CGNL1: variants seen among roughly 807,000 people sequenced by gnomAD.
CGNL1 encodes the protein cingulin like 1.
In CGNL1, 132 loss-of-function variants were observed where a neutral mutation model predicts 141.2. That is an observed-to-expected ratio of 0.93 (90% CI 0.81 to 1.08). CGNL1 has a LOEUF of 1.08. CGNL1 is among the 50% of genes least tolerant of loss of function. The pLI is 0.00. For missense variants in CGNL1, 1,870 were observed against 1,588.6 expected (o/e 1.18, Z -3.01); for synonymous variants, 690 against 622.1 (o/e 1.11, Z -1.63).
At chr15:57,404,373 G>A (rs1313426005) in intron 1 of CGNL1, among the ~76,000 whole-genome samples, 1 of 152,196 alleles carries the variant, frequency 6.6e-6, no homozygotes, top group Non-Finnish European at 1.5e-5. Context: ...TTTATAGCTT[G>A]TAAGATATTT....
chr15:57,501,292 G>C (rs1318374538), intron 8 of CGNL1, among the ~76,000 whole-genome samples: 1 of 152,204 alleles, frequency 6.6e-6, no homozygotes, highest in Non-Finnish European at 1.5e-5. Context: ...CAGTACCTCA[G>C]TTTCCTCACT....
At chr15:57,453,567 G>A in intron 6 of CGNL1, 116 bp from the exon 7 acceptor site, 10 of 1,335,152 alleles carry the variant, frequency 7.5e-6, no homozygotes, top group Non-Finnish European at 1.0e-5. Flanking sequence ...ACAGAGAATG[G>A]GGAGGCTCCT....
chr15:57,531,058 G>A (rs1393864252), intron 13 of CGNL1, among the ~76,000 whole-genome samples: 1 of 152,218 alleles, frequency 6.6e-6, no homozygotes, highest in Non-Finnish European at 1.5e-5. Context: ...ACACAAAGCT[G>A]CTTTGAAATG....
chr15:57,411,691 C>T (rs1664438), intron 1 of CGNL1, among the ~76,000 whole-genome samples: 171 of 151,986 alleles, frequency 1.1e-3, no homozygotes, highest in African/African-American at 4.0e-3. Context: ...GTGATCCACC[C>T]ACCTCAGCCT....
Position 57,438,886 on chromosome 15 carries a change from C to T in CGNL1, c.887C>T (p.Ser296Phe), listed in dbSNP as rs748012120. 1.2e-5 allele frequency: 19 copies of T among 1,614,184 alleles called. No individual in the cohort carries two copies. The Admixed American group carries it at 3.2e-4, about 27-fold the overall frequency. The change falls in exon 2 of 19, where the codon TCC becomes TTC. Residue 296 changes from serine (S) to phenylalanine (F), a missense_variant. Transcript: ENST00000281282. ...PVLDGARSRR[S>F]SSSSTTPTSA... ...CTGGATGGAGCTCGGTCCCGGAGGTCCTCCTCGTCATCCACAACTCCCACG... is the reference window on the plus strand; with the variant it reads ...CTGGATGGAGCTCGGTCCCGGAGGTTCTCCTCGTCATCCACAACTCCCACG...
At chr15:57,542,311 C>G (rs141863346) in intron 14 of CGNL1, among the ~76,000 whole-genome samples, 4 of 152,156 alleles carry the variant, frequency 2.6e-5, no homozygotes, top group Non-Finnish European at 4.4e-5. Context: ...TCCTGGAATT[C>G]GTTTTCATCC....
intron 8 of CGNL1, among the ~76,000 whole-genome samples, chr15:57,471,898 A>G (rs1372149271): frequency 6.6e-6 from 1 of 152,158 alleles, no homozygotes; most frequent in Non-Finnish European, 1.5e-5. Context: ...TAGGAATAAC[A>G]TGGAGAAAAG....
At chr15:57,542,324 A>T (rs1405840928) in intron 14 of CGNL1, among the ~76,000 whole-genome samples, 1 of 152,158 alleles carries the variant, frequency 6.6e-6, no homozygotes, top group East Asian at 1.9e-4. Flanking sequence ...TTTCATCCTT[A>T]AGAAGGAAAA....
At chr15:57,427,370 AG>A (rs2062987294) in intron 1 of CGNL1, among the ~76,000 whole-genome samples, 1 of 152,230 alleles carries the variant, frequency 6.6e-6, no homozygotes, top group African/African-American at 2.4e-5. Context: ...GGACAAATAC[AG>A]GTGCCTATCA....
intron 1 of CGNL1, among the ~76,000 whole-genome samples, chr15:57,431,502 A>G (rs964473957): frequency 6.6e-6 from 1 of 152,164 alleles, no homozygotes; most frequent in Non-Finnish European, 1.5e-5. Flanking sequence ...GGCTTTCCAC[A>G]CCCTGATCTT....
chr15:57,506,954 C>A (rs945573720), intron 8 of CGNL1, among the ~76,000 whole-genome samples: 1 of 152,198 alleles, frequency 6.6e-6, no homozygotes, highest in African/African-American at 2.4e-5. Flanking sequence ...ACACAAAATT[C>A]ATTTTAAGCA....
At chr15:57,442,317 T>C (rs2063199804) in intron 3 of CGNL1, 56 bp from the exon 4 acceptor site, 3 of 1,073,108 alleles carry the variant, frequency 2.8e-6, no homozygotes, top group Non-Finnish European at 4.3e-6. Flanking sequence ...ACATATAAAT[T>C]GTTCTGAGAC....
At position 57,546,208 on chromosome 15, in the gene CGNL1, G is replaced by A. The variant is rs1391693707; in HGVS notation, c.3742G>A (p.Gly1248Arg). ...EQMDMNEHLQ[G>R]QLNSMKKDLR... is the part of the protein sequence containing the mutation. ...GATGGACATGAATGAGCATCTGCAG[G>A]GGCAGCTCAACTCCATGAAGAAGGA... Residue 1248 changes from glycine to arginine, a missense_variant, in exon 18 of 19, where the codon GGG (glycine) becomes AGG (arginine). Transcript: ENST00000281282. 5 of 1,597,752 alleles carry A rather than the reference G, an allele frequency of 3.1e-6. No homozygotes were observed. The Admixed American group carries it at 5.2e-5, about 17-fold the overall frequency.
rs61998108 is a variant in CGNL1 at position 57,438,140 on chromosome 15, G to A, written c.141G>A (p.Gln47=). The A allele has an allele frequency of 6.2e-7, 1 of 1,614,164 alleles. No homozygotes were observed. The highest frequency in any genetic ancestry group is 8.5e-7 in the Non-Finnish European group (1 of 1,180,040). Residue 47 remains glutamine (Q), a synonymous_variant, in exon 2 of 19, where the codon CAG becomes CAA. Coordinates refer to ENST00000281282, the MANE Select transcript of CGNL1 (RefSeq NM_032866.5). ...CCTACGGTGTCAGTATTCGGGTCCA[G>A]GGAATTGATGGTCACCCCTATATTG... is the stretch of plus-strand genomic sequence containing the variant. The part of the protein sequence containing the change: ...AGSYGVSIRV[Q]GIDGHPYIVL...
At chr15:57,447,286 C>T (rs2063265901) in intron 4 of CGNL1, among the ~76,000 whole-genome samples, 1 of 152,208 alleles carries the variant, frequency 6.6e-6, no homozygotes, top group South Asian at 2.1e-4. Context: ...TTCTGTGTTT[C>T]CATCTCGGAC....
chr15:57,448,573 A>G (rs1344415610), intron 4 of CGNL1, among the ~76,000 whole-genome samples: 2 of 152,118 alleles, frequency 1.3e-5, no homozygotes, highest in Non-Finnish European at 2.9e-5. Context: ...GTTTGAACCC[A>G]GAAGATAGAG....
chr15:57,409,037 T>TCA (rs59988268), intron 1 of CGNL1, among the ~76,000 whole-genome samples: 20,578 of 141,718 alleles, frequency 0.15, 1,600 homozygotes, highest in Non-Finnish European at 0.19. Context: ...TGAGACTCTG[T>TCA]CACACACACA....
chr15:57,387,888 G>A (rs1309193366), intron 1 of CGNL1, among the ~76,000 whole-genome samples: 1 of 152,238 alleles, frequency 6.6e-6, no homozygotes, highest in South Asian at 2.1e-4. Flanking sequence ...CATTGACCCA[G>A]ACTGGGTTCA....
chr15:57,518,204 G>C (rs567864492), intron 9 of CGNL1, among the ~76,000 whole-genome samples, 189 bp from the exon 10 acceptor site: 2 of 152,236 alleles, frequency 1.3e-5, no homozygotes, highest in African/African-American at 4.8e-5. Context: ...CTGAGAACTG[G>C]AACTGCAGAT....
Sources: gnomAD v4.1 joint callset for allele counts (sites outside exome capture counted in the v4.1 genomes callset) on GRCh38, gnomAD v4.1.1 for gene constraint, MANE v1.5 for transcripts, NCBI Gene and HGNC (gene_info 2026-07-23, HGNC 2026-07-21) for gene names.